CAMTA1: variants seen among roughly 807,000 people sequenced by gnomAD.
The protein encoded by CAMTA1 is calmodulin-binding transcription activator 1.
A neutral mutation model predicts 170.9 loss-of-function variants in CAMTA1; 27 were observed. That is an observed-to-expected ratio of 0.16 (90% CI 0.12 to 0.22). The LOEUF is 0.22. Among genes scored for constraint, CAMTA1 ranks in the 10% least tolerant of loss-of-function variants. The pLI is 1.00. For missense variants in CAMTA1, 1,619 were observed against 2,217.2 expected (o/e 0.73, Z 5.42); for synonymous variants, 833 against 891.5 (o/e 0.93, Z 1.17).
At chr1:7,187,843 G>A (rs752600031) in intron 4 of CAMTA1, among the ~76,000 whole-genome samples, 8 of 152,162 alleles carry the variant, frequency 5.3e-5, no homozygotes, top group Non-Finnish European at 1.2e-4. Context: ...AACTCTTTTG[G>A]AGCTCCTTCT....
At chr1:7,238,217 A>G (rs1664246090) in intron 4 of CAMTA1, among the ~76,000 whole-genome samples, 1 of 150,288 alleles carries the variant, frequency 6.7e-6, no homozygotes. Flanking sequence ...GTTTTATAGG[A>G]TTCAAAGGGA....
At chr1:6,837,621 T>C (rs1653810664) in intron 3 of CAMTA1, among the ~76,000 whole-genome samples, 1 of 152,198 alleles carries the variant, frequency 6.6e-6, no homozygotes, top group Non-Finnish European at 1.5e-5. Context: ...TCCTGACACA[T>C]CTTTCAGCTG....
chr1:7,027,173 G>A (rs928937678), intron 3 of CAMTA1, among the ~76,000 whole-genome samples: 2 of 151,912 alleles, frequency 1.3e-5, no homozygotes, highest in Admixed American at 6.6e-5. Flanking sequence ...GTGATACAAC[G>A]TTATCTTTCT....
intron 6 of CAMTA1, among the ~76,000 whole-genome samples, chr1:7,601,102 G>A (rs747486302): frequency 5.2e-4 from 79 of 150,580 alleles, no homozygotes; most frequent in Admixed American, 2.1e-3. Flanking sequence ...GCGGCTGGCC[G>A]GGCCGGGGGC....
rs1553180555 is a variant in CAMTA1 at position 6,902,086 on chromosome 1, A to AAT, written c.234+76877_234+76878insTA. ...ACACACACACACAAAAAAAAAAATA[A>AAT]AAATAAAAACTCGTACTGGCTTTTA... On this transcript the variant is annotated intron_variant, in intron 3 of 22. Coordinates refer to ENST00000303635, the MANE Select transcript of CAMTA1 (RefSeq NM_015215.4). Among the ~76,000 whole-genome samples the AAT allele has an allele frequency of 1.7e-3, 227 of 136,768 alleles. 1 individual carries two copies. Among genetic ancestry groups the AAT allele is most frequent in the African/African-American group, 6.2e-3 (223 of 35,868 alleles). The allele number at this position is 136,768 out of a possible 152,430, so 89.7% of individuals were successfully genotyped here.
chr1:6,956,505 AC>A (rs1689481879), intron 3 of CAMTA1, among the ~76,000 whole-genome samples: 1 of 150,750 alleles, frequency 6.6e-6, no homozygotes, highest in South Asian at 2.1e-4. Context: ...TGAGATGAAA[AC>A]ATGACTAAAT....
At chr1:7,351,991 A>C (rs845237) in intron 5 of CAMTA1, among the ~76,000 whole-genome samples, 1 of 152,162 alleles carries the variant, frequency 6.6e-6, no homozygotes, top group African/African-American at 2.4e-5. Flanking sequence ...CATGAAACAG[A>C]AAAGCAGAGA....
At chr1:7,493,016 AAC>A (rs1220455467) in intron 6 of CAMTA1, among the ~76,000 whole-genome samples, 7 of 122,744 alleles carry the variant, frequency 5.7e-5, no homozygotes, top group Admixed American at 3.3e-4. Flanking sequence ...CAAACCTACA[AAC>A]ACACATGCAC....
intron 1 of CAMTA1, among the ~76,000 whole-genome samples, chr1:6,808,875 A>G (rs1484711650): frequency 6.6e-6 from 1 of 152,022 alleles, no homozygotes; most frequent in East Asian, 1.9e-4. Flanking sequence ...CAATTTTGTG[A>G]CTGACTGAAT....
chr1:6,871,016 A>C (rs1025488236), intron 3 of CAMTA1, among the ~76,000 whole-genome samples: 2 of 152,222 alleles, frequency 1.3e-5, no homozygotes, highest in Non-Finnish European at 2.9e-5. Context: ...CCATAGGTCT[A>C]TCCTTTTAAA....
intron 6 of CAMTA1, among the ~76,000 whole-genome samples, chr1:7,488,058 G>A (rs998758822): frequency 2.6e-5 from 4 of 152,172 alleles, no homozygotes; most frequent in Non-Finnish European, 4.4e-5. Flanking sequence ...ACTCTCTGCA[G>A]TCTCTCTGGA....
At position 7,640,271 on chromosome 1, in the gene CAMTA1, C is replaced by T. The variant is rs77198089; in HGVS notation, c.511-129C>T. 5,861 of 956,378 alleles carry T rather than the reference C, an allele frequency of 6.1e-3. 232 individuals are homozygous for T. The African/African-American group carries it at 0.085, about 14-fold the overall frequency. The allele number at this position is 956,378 out of a possible 1,614,324, so 59.2% of individuals were successfully genotyped here. ...AGAACCATCTGGCTGCAACCGTCAG[C>T]AGTGTGAGGTCAAGAGAGCCGGGTG... On this transcript the variant is annotated intron_variant, in intron 6 of 22. Coordinates refer to ENST00000303635, the MANE Select transcript of CAMTA1 (RefSeq NM_015215.4).
chr1:7,175,671 G>A (rs1159252121), intron 4 of CAMTA1, among the ~76,000 whole-genome samples: 2 of 152,252 alleles, frequency 1.3e-5, no homozygotes, highest in Non-Finnish European at 2.9e-5. Flanking sequence ...TTGAAGCGGG[G>A]TATCCCCTGG....
chr1:7,514,259 G>T (rs1168049922), intron 6 of CAMTA1, among the ~76,000 whole-genome samples: 1 of 152,214 alleles, frequency 6.6e-6, no homozygotes, highest in Non-Finnish European at 1.5e-5. Context: ...TAGACCTCCA[G>T]CCCTTCCTAG....
chr1:6,788,178 C>T (rs1255976138), intron 1 of CAMTA1, among the ~76,000 whole-genome samples: 3 of 151,266 alleles, frequency 2.0e-5, no homozygotes, highest in Non-Finnish European at 4.4e-5. Context: ...TCCCTCCCTC[C>T]CTCCCTTTCT....
At chr1:7,265,476 G>T (rs537903715) in intron 5 of CAMTA1, among the ~76,000 whole-genome samples, 1 of 152,142 alleles carries the variant, frequency 6.6e-6, no homozygotes, top group Non-Finnish European at 1.5e-5. Flanking sequence ...ACTATGCCTG[G>T]CTAATTTTTG....
chr1:7,724,207 A>G (rs2096667822), intron 11 of CAMTA1, among the ~76,000 whole-genome samples: 1 of 149,172 alleles, frequency 6.7e-6, no homozygotes, highest in African/African-American at 2.6e-5. Context: ...ACTAAACACA[A>G]TGCGGGATCC....
At chr1:7,222,536 G>A (rs1574000579) in intron 4 of CAMTA1, among the ~76,000 whole-genome samples, 1 of 152,172 alleles carries the variant, frequency 6.6e-6, no homozygotes, top group East Asian at 1.9e-4. Flanking sequence ...GCTGTGCTCA[G>A]GCGGAGAGTG....
chr1:7,394,558 G>T (rs1205244483), intron 5 of CAMTA1, among the ~76,000 whole-genome samples: 1 of 152,098 alleles, frequency 6.6e-6, no homozygotes, highest in Non-Finnish European at 1.5e-5. Flanking sequence ...TTGCTACTGA[G>T]TTATTTGAGT....
Sources: allele counts gnomAD v4.1 joint callset (sites outside exome capture counted in the v4.1 genomes callset), GRCh38; gene constraint gnomAD v4.1.1; transcripts MANE v1.5; gene names NCBI Gene and HGNC (gene_info 2026-07-23, HGNC 2026-07-21).